Variants in CDHR1 observed in about 807,000 individuals in gnomAD.
CDHR1 encodes the protein cadherin related family member 1.
Under a neutral mutation model 72.1 loss-of-function variants are expected in CDHR1, and 61 were observed. The observed-to-expected ratio is 0.85, with a 90% CI of 0.69 to 1.05. The LOEUF (loss-of-function observed/expected upper bound fraction) is 1.05, where lower values mean the gene tolerates loss of function less well. Ranked by LOEUF, CDHR1 falls within the 50% of genes least tolerant of loss-of-function variation. CDHR1 has a pLI of 0.00. For synonymous variants in CDHR1, 470 were observed against 448.1 expected (o/e 1.05, Z -0.62); for missense variants, 1,186 against 1,115.7 (o/e 1.06, Z -0.90).
rs1842096289 is a variant in CDHR1, at chr10:84,200,115, A to G, written c.439-486A>G. Among the ~76,000 whole-genome samples the G allele has an allele frequency of 4.0e-5, 6 of 151,864 alleles. No individual in the cohort carries two copies. In the South Asian group the frequency reaches 1.2e-3, roughly 32 times the overall value. On this transcript the variant is annotated intron_variant, in intron 5 of 16. Coordinates refer to ENST00000623527, the MANE Select transcript of CDHR1 (RefSeq NM_033100.4). The stretch of plus-strand genomic sequence containing the variant: ...AACCCAGGAGGCAGAGGTTGCAGTG[A>G]GCCAAGATCACGCCATTGCACTCCA...
chr10:84,212,974 A>G, intron 15 of CDHR1, 117 bp from the exon 16 acceptor site: 1 of 1,334,962 alleles, frequency 7.5e-7, no homozygotes, highest in South Asian at 1.2e-5. Flanking sequence ...TCCTCTCAAA[A>G]TAGGATCAGG....
Position 84,208,268 on chromosome 10 carries a change from T to G in CDHR1, c.1058T>G (p.Phe353Cys), listed in dbSNP as rs771316043. 3 of 1,613,954 alleles carry G rather than the reference T, an allele frequency of 1.9e-6. No homozygotes were observed. The highest frequency in any genetic ancestry group is 1.3e-5 in the African/African-American group (1 of 74,952). Reference protein sequence around the residue: ...IVDLNNHPPTFYGESGPQNRF... With the variant: ...IVDLNNHPPTCYGESGPQNRF... ...GACCTCAACAACCACCCGCCAACAT[T>G]CTATGGAGAGAGCGGACCCCAAAAC... The change falls in exon 11 of 17, where the codon TTC becomes TGC. Residue 353 changes from phenylalanine (F) to cysteine (C), a missense_variant. Phe to Cys is a radical substitution (Grantham distance 205). Coordinates refer to ENST00000623527, the MANE Select transcript of CDHR1 (RefSeq NM_033100.4).
Position 84,194,667 on chromosome 10 carries a change from T to G in CDHR1, c.-94T>G. The G allele has an allele frequency of 7.7e-6, 8 of 1,035,786 alleles. No individual in the cohort carries two copies. The highest frequency in any genetic ancestry group is 9.1e-6 in the Non-Finnish European group (7 of 768,048). The allele number at this position is 1,035,786 out of a possible 1,614,324, so 64.2% of individuals were successfully genotyped here. Reference sequence around the variant, plus strand: ...CGGCTGCAGTCGCCGCTACCCCCATTGTGGTCTCTGCCCTCCCCGCGGGCC... The same window carrying G: ...CGGCTGCAGTCGCCGCTACCCCCATGGTGGTCTCTGCCCTCCCCGCGGGCC... On this transcript the variant is annotated 5_prime_UTR_variant, in exon 1 of 17. It adds an upstream start codon to the 5' untranslated region. Transcript: ENST00000623527.
In CDHR1 at chr10:84,215,325, C is replaced by T; in HGVS notation, c.*704C>T. The T allele has an allele frequency of 1.0e-6, 1 of 986,492 alleles. No homozygotes were observed. The highest frequency in any genetic ancestry group is 4.7e-5 in the South Asian group (1 of 21,332). The allele number at this position is 986,492 out of a possible 1,614,324, so 61.1% of individuals were successfully genotyped here. A position where few individuals can be genotyped will look rare whatever the true frequency, so the allele number is the denominator to read the frequency against. On this transcript the variant is annotated 3_prime_UTR_variant, in exon 17 of 17. Coordinates refer to ENST00000623527, the MANE Select transcript of CDHR1 (RefSeq NM_033100.4). ...TTGCCAAGAGTGAGGGCAGATGTCT[C>T]CAGCCAGGACTGCCCTGAGCCGCAA...
Position 84,208,396 on chromosome 10 carries a change from C to G in CDHR1, c.1167+19C>G. ...CGACCAGGTGTGTGGTCCTGCCCTCCGCTCTGCCTTCTCACAAACGGTATG... is the reference window on the plus strand; with the variant it reads ...CGACCAGGTGTGTGGTCCTGCCCTCGGCTCTGCCTTCTCACAAACGGTATG... On this transcript the variant is annotated intron_variant, in intron 11 of 16. Coordinates refer to ENST00000623527, the MANE Select transcript of CDHR1 (RefSeq NM_033100.4). The G allele has an allele frequency of 6.2e-7, 1 of 1,612,688 alleles. No homozygotes were observed. Among genetic ancestry groups the G allele is most frequent in the Non-Finnish European group, 8.5e-7 (1 of 1,178,860 alleles).
In CDHR1 at chr10:84,214,166, A is replaced by T. The variant is rs1339148217; in HGVS notation, c.2125A>T (p.Met709Leu). The change falls in exon 17 of 17, where the codon ATG (methionine) becomes TTG (leucine). Residue 709 changes from methionine (M) to leucine (L), a missense_variant. Transcript: ENST00000623527. ...MKAVGVLAGTMATVVAITVLI... is the reference protein window; with the variant it reads ...MKAVGVLAGTLATVVAITVLI... Reference sequence around the variant, plus strand: ...GGCCGTGGGTGTGCTGGCCGGCACCATGGCCACCGTCGTGGCCATCACTGT... The same window carrying T: ...GGCCGTGGGTGTGCTGGCCGGCACCTTGGCCACCGTCGTGGCCATCACTGT... The T allele has an allele frequency of 1.9e-5, 30 of 1,614,150 alleles. No individual in the cohort carries two copies. The highest frequency in any genetic ancestry group is 2.5e-5 in the Non-Finnish European group (30 of 1,180,032).
intron 5 of CDHR1, among the ~76,000 whole-genome samples, chr10:84,199,570 T>C (rs1842087097): frequency 6.6e-6 from 1 of 152,248 alleles, no homozygotes; most frequent in Admixed American, 6.5e-5. Context: ...GTAACTATCA[T>C]TTTAATAGCT....
At position 84,217,150 on chromosome 10, in the gene CDHR1, G is replaced by A; in HGVS notation, c.*2529G>A. 1.0e-6 allele frequency: 1 copy of A among 985,630 alleles called. No individual in the cohort carries two copies. The highest frequency in any genetic ancestry group is 1.2e-6 in the Non-Finnish European group (1 of 830,072). 61.1% of individuals were successfully genotyped at this position (985,630 alleles called of 1,614,324 possible). On this transcript the variant is annotated 3_prime_UTR_variant, in exon 17 of 17. Coordinates refer to ENST00000623527, the MANE Select transcript of CDHR1 (RefSeq NM_033100.4). ...GTCAGCACTGGAGGAGACCCCGCCA[G>A]TGGGGTGAGGCCAGCCAAGTCCCTG...
chr10:84,208,287 C>A lies in CDHR1; in HGVS notation c.1077C>A (p.Pro359=). 6.2e-7 allele frequency: 1 copy of A among 1,614,132 alleles called. No individual in the cohort carries two copies. Among genetic ancestry groups the A allele is most frequent in the Non-Finnish European group, 8.5e-7 (1 of 1,180,030 alleles). The stretch of plus-strand genomic sequence containing the variant: ...CAACATTCTATGGAGAGAGCGGACC[C>A]CAAAACAGGTTTGAGCTGTCCATGA... ...HPPTFYGESG[P]QNRFELSMNE... Residue 359 remains proline (P), a synonymous_variant, in exon 11 of 17, where the codon CCC becomes CCA. Coordinates refer to ENST00000623527, the MANE Select transcript of CDHR1 (RefSeq NM_033100.4).
At chr10:84,203,224 C>T (rs1334603615) in intron 8 of CDHR1, 101 bp downstream of exon 8, 25 of 1,493,320 alleles carry the variant, frequency 1.7e-5, no homozygotes, top group Admixed American at 8.4e-5. Flanking sequence ...GGTCTGGTCC[C>T]GGTTGCCCTC....
intron 14 of CDHR1, 124 bp downstream of exon 14, chr10:84,211,839 G>A (rs995366963): frequency 2.3e-6 from 2 of 880,924 alleles, no homozygotes; most frequent in African/African-American, 3.3e-5. Flanking sequence ...GAAGAGAAGT[G>A]GAGAGAGGCA....
In CDHR1 at chr10:84,202,960, G is replaced by T. The variant is rs369700588; in HGVS notation, c.640-20G>T. 182 of 1,614,026 alleles carry T rather than the reference G, an allele frequency of 1.1e-4. No individual in the cohort carries two copies. Among genetic ancestry groups the T allele is most frequent in the Non-Finnish European group, 1.5e-4 (175 of 1,180,016 alleles). On this transcript the variant is annotated intron_variant, in intron 7 of 16. Transcript: ENST00000623527. ...TCTCAACTTGTCTTCACTCTCCTGT[G>T]GCCTCCGATTCTTCTGCAGGATGGC...
In CDHR1 at chr10:84,216,884, G is replaced by T. The variant is rs1452873658; in HGVS notation, c.*2263G>T. On this transcript the variant is annotated 3_prime_UTR_variant, in exon 17 of 17. Coordinates refer to ENST00000623527, the MANE Select transcript of CDHR1 (RefSeq NM_033100.4). Reference sequence around the variant, plus strand: ...GAATTGGGAGGCCTAGGGTGGGCATGAAAGCTTGGGAAGCACTGTCGTCTC... The same window carrying T: ...GAATTGGGAGGCCTAGGGTGGGCATTAAAGCTTGGGAAGCACTGTCGTCTC... The T allele has an allele frequency of 5.1e-6, 5 of 985,390 alleles. No homozygotes were observed. The highest frequency in any genetic ancestry group is 6.0e-6 in the Non-Finnish European group (5 of 829,960). The allele number at this position is 985,390 out of a possible 1,614,324, so 61.0% of individuals were successfully genotyped here. A position where few individuals can be genotyped will look rare whatever the true frequency, so the allele number is the denominator to read the frequency against.
chr10:84,205,598 A>C, intron 9 of CDHR1: 1 of 593,876 alleles, frequency 1.7e-6, no homozygotes, highest in East Asian at 2.9e-5. Flanking sequence ...ACAGTATGGA[A>C]TGTGGGAGCT....
intron 14 of CDHR1, 23 bp from the exon 15 acceptor site, chr10:84,212,155 AT>A: frequency 1.3e-6 from 2 of 1,588,492 alleles, no homozygotes; most frequent in Non-Finnish European, 1.7e-6. Context: ...GTGCACACCC[AT>A]GCCTATGTGC....
At chr10:84,219,318 C>T (rs1331718664), downstream of CDHR1, 1 of 1,543,844 alleles carries the variant, frequency 6.5e-7, no homozygotes, top group South Asian at 1.2e-5. Flanking sequence ...ACCATTTTCC[C>T]TCTCCCTAAA....
intron 5 of CDHR1, 46 bp downstream of exon 5, chr10:84,199,167 A>G: frequency 6.7e-7 from 1 of 1,493,630 alleles, no homozygotes; most frequent in East Asian, 2.5e-5. Context: ...ACCCAGGCCC[A>G]TAGCCTACCC....
At chr10:84,219,398 G>T, downstream of CDHR1, 1 of 1,406,412 alleles carries the variant, frequency 7.1e-7, no homozygotes, top group Non-Finnish European at 9.3e-7. Context: ...CCCCTGCACT[G>T]CTTGCTGCTC....
rs1481484229 is a variant in CDHR1, at chr10:84,212,473, G to A, written c.1782+66G>A. 13 of 1,357,894 alleles carry A rather than the reference G, an allele frequency of 9.6e-6. No homozygotes were observed. The East Asian group carries it at 2.5e-4, about 26-fold the overall frequency. 84.1% of individuals were successfully genotyped at this position (1,357,894 alleles called of 1,614,324 possible). Reference sequence around the variant, plus strand: ...TCCAGCAGCTCCAAGAGATACTGAGGCATAAGAATTTCATTGAAGATAAAA... The same window carrying A: ...TCCAGCAGCTCCAAGAGATACTGAGACATAAGAATTTCATTGAAGATAAAA... On this transcript the variant is annotated intron_variant, in intron 15 of 16. Coordinates refer to ENST00000623527, the MANE Select transcript of CDHR1 (RefSeq NM_033100.4).
Sources: allele counts gnomAD v4.1 joint callset (sites outside exome capture counted in the v4.1 genomes callset), GRCh38; gene constraint gnomAD v4.1.1; transcripts MANE v1.5; gene names NCBI Gene and HGNC (gene_info 2026-07-23, HGNC 2026-07-21).